The following SPIDR variants were observed in gnomAD, a reference collection of about 807,000 sequenced individuals.
SPIDR encodes DNA repair-scaffolding protein.
A neutral mutation model predicts 104.6 loss-of-function variants in SPIDR; 93 were observed. The observed-to-expected ratio is 0.89, with a 90% CI of 0.75 to 1.06. The LOEUF (loss-of-function observed/expected upper bound fraction) is 1.06. Ranked by LOEUF, SPIDR falls within the 50% of genes least tolerant of loss-of-function variation. The pLI, the probability that SPIDR is intolerant of heterozygous loss-of-function variation, is 0.00. For synonymous variants in SPIDR, 431 were observed against 416.9 expected (o/e 1.03, Z -0.41); for missense variants, 1,154 against 1,111.2 (o/e 1.04, Z -0.55).
chr8:47,508,838 C>T (rs951905698), intron 8 of SPIDR, among the ~76,000 whole-genome samples: 4 of 152,058 alleles, frequency 2.6e-5, no homozygotes, highest in Non-Finnish European at 5.9e-5. Context: ...CTGAGAAGTC[C>T]GGTTGTTTCT....
In SPIDR at chr8:47,574,576, C is replaced by G. The variant is rs1427571539; in HGVS notation, c.1098-21235C>G. 2.0e-5 allele frequency among the ~76,000 whole-genome samples: 3 copies of G among 151,670 alleles called. No homozygotes were observed. The East Asian group carries it at 5.8e-4, about 29-fold the overall frequency. On this transcript the variant is annotated intron_variant, in intron 8 of 19. Coordinates refer to ENST00000297423, the MANE Select transcript of SPIDR (RefSeq NM_001080394.4). ...AGCAAGACCAGCCAGGCCAACATGG[C>G]AAAACCCCATCTCTACTAAAAATAC...
At chr8:47,555,329 C>G (rs2091189634) in intron 8 of SPIDR, among the ~76,000 whole-genome samples, 1 of 152,134 alleles carries the variant, frequency 6.6e-6, no homozygotes, top group South Asian at 2.1e-4. Flanking sequence ...CAGTATGTAT[C>G]TCTTGGTGCC....
rs150833920 is a variant in SPIDR at position 47,511,274 on chromosome 8, C to A, written c.1097+70732C>A. ...TGGATGTTTGTGGTAGTCTCTGATT[C>A]GACGATTAAGATGGAAGAGCTGGCT... On this transcript the variant is annotated intron_variant, in intron 8 of 19. Coordinates refer to ENST00000297423, the MANE Select transcript of SPIDR (RefSeq NM_001080394.4). 22 of 1,531,636 alleles carry A rather than the reference C, an allele frequency of 1.4e-5. No individual in the cohort carries two copies. In the African/African-American group the frequency reaches 2.7e-4, roughly 19 times the overall value. The allele number at this position is 1,531,636 out of a possible 1,614,324, so 94.9% of individuals were successfully genotyped here. A position where few individuals can be genotyped will look rare whatever the true frequency, so the allele number is the denominator to read the frequency against.
intron 8 of SPIDR, among the ~76,000 whole-genome samples, chr8:47,539,469 T>C (rs1253501802): frequency 1.3e-5 from 2 of 152,222 alleles, no homozygotes; most frequent in East Asian, 3.8e-4. Context: ...TATTAATTGT[T>C]ATTTTATTTC....
At chr8:47,269,536 G>A (rs1237798620) in intron 1 of SPIDR, among the ~76,000 whole-genome samples, 5 of 149,594 alleles carry the variant, frequency 3.3e-5, no homozygotes, top group East Asian at 2.0e-4. Flanking sequence ...GATTACAGGC[G>A]TGAGCCACTA....
At chr8:47,325,274 A>G (rs1237296312) in intron 5 of SPIDR, among the ~76,000 whole-genome samples, 1 of 152,220 alleles carries the variant, frequency 6.6e-6, no homozygotes, top group East Asian at 1.9e-4. Flanking sequence ...TTTGGAAGAG[A>G]ACACAAGGTT....
chr8:47,398,646 G>A (rs1175683426), intron 6 of SPIDR, among the ~76,000 whole-genome samples: 1 of 152,110 alleles, frequency 6.6e-6, no homozygotes, highest in Non-Finnish European at 1.5e-5. Context: ...CATCTTAGTG[G>A]GACTATGGGT....
chr8:47,552,133 A>C (rs961023382), intron 8 of SPIDR, among the ~76,000 whole-genome samples: 1 of 152,198 alleles, frequency 6.6e-6, no homozygotes, highest in Non-Finnish European at 1.5e-5. Context: ...GTGGTCTGAG[A>C]GACAGTTTGT....
chr8:47,439,494 G>T (rs2068977787), intron 7 of SPIDR, among the ~76,000 whole-genome samples: 1 of 152,010 alleles, frequency 6.6e-6, no homozygotes, highest in Non-Finnish European at 1.5e-5. Flanking sequence ...ACACACCATG[G>T]TTTACCCATC....
intron 6 of SPIDR, among the ~76,000 whole-genome samples, chr8:47,398,961 A>G (rs782542195): frequency 6.6e-6 from 1 of 152,228 alleles, no homozygotes; most frequent in Non-Finnish European, 1.5e-5. Flanking sequence ...CAGGGTGTGC[A>G]GCCGTCTCAG....
intron 11 of SPIDR, among the ~76,000 whole-genome samples, chr8:47,696,433 G>C (rs2079346644): frequency 6.6e-6 from 1 of 152,002 alleles, no homozygotes; most frequent in African/African-American, 2.4e-5. Context: ...TCTCTCTCAA[G>C]GATCTGGTAA....
rs2038337609 is a variant in SPIDR at position 47,284,104 on chromosome 8, T to C, written c.256+10T>C. ...CCTAGACCCAAGCAAGGTAACTATTTTGTTGATTTCTTGACAGAGAAGATA... is the reference window on the plus strand; with the variant it reads ...CCTAGACCCAAGCAAGGTAACTATTCTGTTGATTTCTTGACAGAGAAGATA... On this transcript the variant is annotated intron_variant, in intron 3 of 19. Coordinates refer to ENST00000297423, the MANE Select transcript of SPIDR (RefSeq NM_001080394.4). 6.3e-7 allele frequency: 1 copy of C among 1,599,570 alleles called. No individual in the cohort carries two copies. Among genetic ancestry groups the C allele is most frequent in the Non-Finnish European group, 8.5e-7 (1 of 1,172,366 alleles).
At chr8:47,702,311 C>T (rs892121621) in intron 14 of SPIDR, among the ~76,000 whole-genome samples, 2 of 152,108 alleles carry the variant, frequency 1.3e-5, no homozygotes, top group African/African-American at 4.8e-5. Flanking sequence ...GTGTAAGACA[C>T]CCAGGTACAA....
At chr8:47,633,410 G>T (rs1467394761) in intron 10 of SPIDR, among the ~76,000 whole-genome samples, 2 of 152,066 alleles carry the variant, frequency 1.3e-5, no homozygotes, top group Non-Finnish European at 2.9e-5. Context: ...ATAGGAGGGG[G>T]ATGGCAGCAG....
chr8:47,485,880 T>C (rs1362604653), intron 8 of SPIDR, among the ~76,000 whole-genome samples: 1 of 152,136 alleles, frequency 6.6e-6, no homozygotes, highest in African/African-American at 2.4e-5. Flanking sequence ...CAAAGGTAGA[T>C]ACAGCCACAA....
Position 47,709,232 on chromosome 8 carries a change from C to T in SPIDR, c.1978-3430C>T, listed in dbSNP as rs192282379. 2.0e-3 allele frequency among the ~76,000 whole-genome samples: 299 copies of T among 152,246 alleles called. 1 individual carries two copies. Among genetic ancestry groups the T allele is most frequent in the African/African-American group, 6.3e-3 (261 of 41,534 alleles). ...CTCGGCTCACTGCAACCTCCACCTC[C>T]CAGGTTCAAGCAATTCTCCTGTCTC... is the stretch of plus-strand genomic sequence containing the variant. On this transcript the variant is annotated intron_variant, in intron 14 of 19. Coordinates refer to ENST00000297423, the MANE Select transcript of SPIDR (RefSeq NM_001080394.4).
chr8:47,310,061 C>A (rs1196064513), intron 5 of SPIDR, among the ~76,000 whole-genome samples: 4 of 151,128 alleles, frequency 2.6e-5, no homozygotes, highest in Non-Finnish European at 5.9e-5. Flanking sequence ...TCGGCCAGCG[C>A]TGTGGCTCAC....
chr8:47,300,010 A>C (rs1169788404), intron 5 of SPIDR, among the ~76,000 whole-genome samples: 1 of 152,218 alleles, frequency 6.6e-6, no homozygotes, highest in Admixed American at 6.5e-5. Flanking sequence ...TCATTGGAAT[A>C]GTTTCAGAAG....
chr8:47,394,414 G>T (rs371891773), intron 5 of SPIDR, among the ~76,000 whole-genome samples: 1 of 152,188 alleles, frequency 6.6e-6, no homozygotes, highest in East Asian at 1.9e-4. Flanking sequence ...GCCGCCTGTG[G>T]TTGGTTATTT....
Sources: gnomAD v4.1 joint callset for allele counts (sites outside exome capture counted in the v4.1 genomes callset) on GRCh38, gnomAD v4.1.1 for gene constraint, MANE v1.5 for transcripts, NCBI Gene and HGNC (gene_info 2026-07-23, HGNC 2026-07-21) for gene names.